The following GRIN2A variants were observed in gnomAD, a reference collection of about 807,000 sequenced individuals.
GRIN2A encodes the protein glutamate receptor ionotropic, NMDA 2A.
A neutral mutation model predicts 113.4 loss-of-function variants in GRIN2A; 22 were observed. That is an observed-to-expected ratio of 0.19 (90% CI 0.14 to 0.28). The LOEUF (loss-of-function observed/expected upper bound fraction) is 0.28, where lower values mean the gene tolerates loss of function less well. GRIN2A is among the 10% of genes least tolerant of loss of function. The pLI, the probability that GRIN2A is intolerant of heterozygous loss-of-function variation, is 1.00. For missense variants in GRIN2A, 1,502 were observed against 1,887.0 expected (o/e 0.80, Z 3.78); for synonymous variants, 827 against 738.4 (o/e 1.12, Z -1.94).
intron 2 of GRIN2A, chr16:10,033,792 C>G (rs1185777137): frequency 1.3e-5 from 2 of 152,252 alleles, no homozygotes; most frequent in Middle Eastern, 3.1e-3. Flanking sequence ...CTTGTTCTTC[C>G]CAACACAGCC....
chr16:10,152,038 C>T (rs1373442166), intron 2 of GRIN2A, among the ~76,000 whole-genome samples: 1 of 152,160 alleles, frequency 6.6e-6, no homozygotes, highest in Non-Finnish European at 1.5e-5. Context: ...GAGAAGGAGA[C>T]ACAGTGTGCC....
chr16:9,776,621 G>C (rs373367061), intron 11 of GRIN2A, among the ~76,000 whole-genome samples: 1 of 152,052 alleles, frequency 6.6e-6, no homozygotes, highest in African/African-American at 2.4e-5. Flanking sequence ...CCCAGCAATA[G>C]AGCCTGGTGG....
At position 10,015,252 on chromosome 16, in the gene GRIN2A, C is replaced by CAAAAA. The variant is rs200124835; in HGVS notation, c.415-76706_415-76702dup. On this transcript the variant is annotated intron_variant, in intron 2 of 12. Transcript: ENST00000330684. The stretch of plus-strand genomic sequence containing the variant: ...TGGGCAACAGAGCAAGACTTCATCT[C>CAAAAA]AAAAAAAAAAAAAAAAAAAGAAAAA... 2.1e-3 allele frequency among the ~76,000 whole-genome samples: 40 copies of CAAAAA among 19,310 alleles called. 3 individuals carry two copies. The highest frequency in any genetic ancestry group is 0.011 in the South Asian group (3 of 272). The allele number at this position is 19,310 out of a possible 152,430, so 12.7% of individuals were successfully genotyped here.
intron 2 of GRIN2A, among the ~76,000 whole-genome samples, chr16:10,124,352 G>T (rs185179213): frequency 1.6e-4 from 24 of 152,292 alleles, no homozygotes; most frequent in Non-Finnish European, 2.1e-4. Flanking sequence ...TGTATGCAAA[G>T]TGCCTGCCCT....
chr16:9,894,390 C>A (rs1012318827), intron 3 of GRIN2A, among the ~76,000 whole-genome samples: 2 of 152,216 alleles, frequency 1.3e-5, no homozygotes, highest in Non-Finnish European at 2.9e-5. Flanking sequence ...CTTCTCTGCA[C>A]TTGAGGGGAC....
intron 2 of GRIN2A, among the ~76,000 whole-genome samples, chr16:10,143,861 G>T (rs1330858431): frequency 6.6e-6 from 1 of 152,152 alleles, no homozygotes; most frequent in Non-Finnish European, 1.5e-5. Flanking sequence ...AACTACTAGG[G>T]AGGCTGAGGC....
intron 2 of GRIN2A, among the ~76,000 whole-genome samples, chr16:10,152,929 T>G (rs1000363832): frequency 2.0e-5 from 3 of 151,984 alleles, no homozygotes; most frequent in African/African-American, 7.3e-5. Flanking sequence ...TGCCAGGAGG[T>G]AGGGGCTTAG....
intron 2 of GRIN2A, among the ~76,000 whole-genome samples, chr16:10,142,625 G>A (rs1032350592): frequency 6.6e-6 from 1 of 152,180 alleles, no homozygotes; most frequent in Non-Finnish European, 1.5e-5. Context: ...CTTGAGCCCA[G>A]GAGTTCAAGG....
intron 9 of GRIN2A, among the ~76,000 whole-genome samples, chr16:9,828,257 G>C (rs1051940405): frequency 6.6e-6 from 1 of 152,114 alleles, no homozygotes; most frequent in African/African-American, 2.4e-5. Flanking sequence ...TGTGTGCCAT[G>C]GTAAGTAAAG....
intron 4 of GRIN2A, among the ~76,000 whole-genome samples, chr16:9,862,453 C>T (rs1271782873): frequency 1.3e-5 from 2 of 152,166 alleles, no homozygotes; most frequent in African/African-American, 4.8e-5. Context: ...TTTCCATGAA[C>T]AACCCGCATC....
chr16:9,987,525 A>C (rs2046002759), intron 2 of GRIN2A, among the ~76,000 whole-genome samples: 1 of 152,268 alleles, frequency 6.6e-6, no homozygotes, highest in Non-Finnish European at 1.5e-5. Flanking sequence ...AAAGCAAACA[A>C]ATACGCCAAA....
At chr16:10,111,872 A>C in intron 2 of GRIN2A, 1 of 973,586 alleles carries the variant, frequency 1.0e-6, no homozygotes, top group Non-Finnish European at 1.6e-6. Context: ...CGAGACATCA[A>C]CTTTCTTGCT....
intron 2 of GRIN2A, among the ~76,000 whole-genome samples, chr16:9,955,656 C>T (rs181033044): frequency 5.9e-4 from 90 of 152,316 alleles, no homozygotes; most frequent in African/African-American, 1.7e-3. Flanking sequence ...AAGGCAGGGG[C>T]TATGTGTGCT....
At chr16:10,064,696 C>T (rs2047614443) in intron 2 of GRIN2A, among the ~76,000 whole-genome samples, 1 of 152,104 alleles carries the variant, frequency 6.6e-6, no homozygotes, top group Admixed American at 6.6e-5. Context: ...TACTAACAAC[C>T]CCAGGTGCAA....
intron 4 of GRIN2A, among the ~76,000 whole-genome samples, chr16:9,885,429 T>C (rs1262575578): frequency 6.6e-6 from 1 of 152,064 alleles, no homozygotes; most frequent in Non-Finnish European, 1.5e-5. Flanking sequence ...GAAGTCCCGA[T>C]TTGTGAGAGA....
At chr16:10,028,022 G>T (rs775583825) in intron 2 of GRIN2A, among the ~76,000 whole-genome samples, 3 of 152,126 alleles carry the variant, frequency 2.0e-5, no homozygotes, top group Admixed American at 2.0e-4. Context: ...ATTACAAAGT[G>T]CTCTGAAGGA....
At chr16:10,128,112 C>A (rs927653391) in intron 2 of GRIN2A, among the ~76,000 whole-genome samples, 97 of 152,170 alleles carry the variant, frequency 6.4e-4, no homozygotes, top group African/African-American at 2.2e-3. Context: ...TATTTTCATC[C>A]ATTGTTGCTG....
Position 9,764,887 on chromosome 16 carries a change from T to C in GRIN2A, c.2657A>G (p.Asn886Ser), listed in dbSNP as rs367543136. ...IEEKKKSPDF[N>S]LTGSQSNMLK... ...CATGTTGCTCTGGGATCCCGTCAGA[T>C]TGAAGTCTGGAGACTTCTTCTTTTC... The change falls in exon 13 of 13, where the codon AAT becomes AGT. Residue 886 changes from asparagine to serine, a missense_variant. Asn to Ser is a conservative substitution (Grantham distance 46). Coordinates refer to ENST00000330684, the MANE Select transcript of GRIN2A (RefSeq NM_001134407.3). 6.2e-7 allele frequency: 1 copy of C among 1,614,144 alleles called. No individual in the cohort carries two copies. Among genetic ancestry groups the C allele is most frequent in the East Asian group, 2.2e-5 (1 of 44,874 alleles).
At chr16:9,822,503 A>G (rs2042308349) in intron 9 of GRIN2A, 79 bp from the exon 10 acceptor site, 1 of 924,874 alleles carries the variant, frequency 1.1e-6, no homozygotes, top group African/African-American at 1.6e-5. Flanking sequence ...AACAAATAAT[A>G]AATTAGTGAT....
Sources: gnomAD v4.1 joint callset for allele counts (sites outside exome capture counted in the v4.1 genomes callset) on GRCh38, gnomAD v4.1.1 for gene constraint, MANE v1.5 for transcripts, NCBI Gene and HGNC (gene_info 2026-07-23, HGNC 2026-07-21) for gene names.